Variants in NTM observed in about 807,000 individuals in gnomAD.
NTM encodes the protein IgLON family member 2.
A neutral mutation model predicts 42.1 loss-of-function variants in NTM; 13 were observed. The observed-to-expected ratio is 0.31, with a 90% CI of 0.20 to 0.49. NTM has a LOEUF of 0.49. NTM is among the 20% of genes least tolerant of loss of function. The probability of loss-of-function intolerance (pLI) is 0.99; values close to 1 mark genes in which losing one functional copy is unlikely to be tolerated. For missense variants in NTM, 373 were observed against 452.8 expected, an observed-to-expected ratio of 0.82 and a Z score of 1.60; for synonymous variants, 187 against 179.2, an observed-to-expected ratio of 1.04 and a Z score of -0.35.
At position 131,587,071 on chromosome 11, in the gene NTM, C is replaced by T. The variant is rs144401499; in HGVS notation, c.82+216183C>T. 3.1e-3 allele frequency among the ~76,000 whole-genome samples: 465 copies of T among 152,278 alleles called. 3 individuals carry two copies. The highest frequency in any genetic ancestry group is 0.011 in the African/African-American group (447 of 41,566). ...CTAACTACACCCAGTCATTACTCCA[C>T]GTGACTTGCATTGTATTATCTCATT... On this transcript the variant is annotated intron_variant, in intron 1 of 8. Coordinates refer to ENST00000683400, the MANE Select transcript of NTM (RefSeq NM_001352005.2).
chr11:131,640,608 C>G (rs1346000768), intron 1 of NTM, among the ~76,000 whole-genome samples: 2 of 152,194 alleles, frequency 1.3e-5, no homozygotes, highest in African/African-American at 4.8e-5. Flanking sequence ...AGAGGCCACA[C>G]TTGCAGGATG....
At chr11:131,696,061 T>C (rs1228054281) in intron 1 of NTM, among the ~76,000 whole-genome samples, 2 of 152,158 alleles carry the variant, frequency 1.3e-5, no homozygotes, top group Non-Finnish European at 2.9e-5. Context: ...GAAAGTGTTG[T>C]TGATGTGACA....
rs2090422529 is a variant in NTM at position 131,789,617 on chromosome 11, A to AAGAAGAAGAAGAAGG, written c.83-121933_83-121932insGAGAAGAAGAAGAAG. 8.4e-5 allele frequency among the ~76,000 whole-genome samples: 7 copies of AAGAAGAAGAAGAAGG among 83,066 alleles called. 1 individual carries two copies. The highest frequency in any genetic ancestry group is 1.5e-4 in the Non-Finnish European group (6 of 41,360). The allele number at this position is 83,066 out of a possible 152,430, so 54.5% of individuals were successfully genotyped here. On this transcript the variant is annotated intron_variant, in intron 1 of 8. Coordinates refer to ENST00000683400, the MANE Select transcript of NTM (RefSeq NM_001352005.2). The stretch of plus-strand genomic sequence containing the variant: ...GAAGAAGAAGAAGAAGAAGAAGAAG[A>AAGAAGAAGAAGAAGG]AGAAGAAGAAGAAGAAGAAAAGAAG...
At chr11:131,507,578 T>C (rs1328555248) in intron 1 of NTM, among the ~76,000 whole-genome samples, 1 of 151,450 alleles carries the variant, frequency 6.6e-6, no homozygotes, top group Non-Finnish European at 1.5e-5. Context: ...AAGTAGTTTT[T>C]TCCAATTCTG....
intron 2 of NTM, among the ~76,000 whole-genome samples, chr11:132,085,370 G>T (rs1294827409): frequency 6.6e-6 from 1 of 152,192 alleles, no homozygotes; most frequent in Non-Finnish European, 1.5e-5. Flanking sequence ...TTCTTGCATG[G>T]TGAAGGGTGT....
chr11:131,820,368 C>T (rs1407604106), intron 1 of NTM, among the ~76,000 whole-genome samples: 1 of 152,202 alleles, frequency 6.6e-6, no homozygotes. Flanking sequence ...TCTTAACTCC[C>T]TGTGGATTGG....
intron 2 of NTM, among the ~76,000 whole-genome samples, chr11:132,087,452 T>C (rs536461793): frequency 6.6e-6 from 1 of 152,298 alleles, no homozygotes; most frequent in East Asian, 1.9e-4. Context: ...TCCAGTTTTC[T>C]TTCCTAGGGG....
chr11:132,194,838 T>TC (rs1491434052), intron 3 of NTM, among the ~76,000 whole-genome samples: 6 of 140,042 alleles, frequency 4.3e-5, no homozygotes, highest in East Asian at 4.1e-4. Flanking sequence ...TTTTTTTTTT[T>TC]CTGAGACAGG....
chr11:131,546,725 G>A (rs972498756), intron 1 of NTM: 7 of 152,240 alleles, frequency 4.6e-5, no homozygotes, highest in African/African-American at 1.4e-4. Flanking sequence ...CAAGCACCAC[G>A]CTGAGCTCTC....
At chr11:131,799,095 C>CT (rs1353602909) in intron 1 of NTM, among the ~76,000 whole-genome samples, 6 of 152,194 alleles carry the variant, frequency 3.9e-5, no homozygotes, top group Admixed American at 6.5e-5. Flanking sequence ...TAATTGTTAA[C>CT]TTTTTTGTTT....
intron 1 of NTM, among the ~76,000 whole-genome samples, chr11:131,730,232 C>A (rs931013970): frequency 6.6e-6 from 1 of 152,146 alleles, no homozygotes; most frequent in Non-Finnish European, 1.5e-5. Context: ...ATTTGCATAT[C>A]TTTAGCAATT....
In NTM at chr11:131,972,497, G is replaced by A. The variant is rs200214168; in HGVS notation, c.167+60849G>A. 5.9e-5 allele frequency among the ~76,000 whole-genome samples: 9 copies of A among 152,176 alleles called. No homozygotes were observed. The East Asian group carries it at 1.5e-3, about 26-fold the overall frequency. On this transcript the variant is annotated intron_variant, in intron 2 of 8. Coordinates refer to ENST00000683400, the MANE Select transcript of NTM (RefSeq NM_001352005.2). ...TAATCTTAATGTAACAAAAGGTAGG[G>A]CTATAGCTTTGTTTCCTCCCACGTT...
intron 4 of NTM, among the ~76,000 whole-genome samples, chr11:132,246,019 C>T (rs1051416887): frequency 6.6e-6 from 1 of 152,204 alleles, no homozygotes; most frequent in Non-Finnish European, 1.5e-5. Flanking sequence ...GAGAGAGCTG[C>T]CCCGGGCTAG....
At chr11:132,275,791 G>T (rs2093703441) in intron 4 of NTM, among the ~76,000 whole-genome samples, 1 of 125,464 alleles carries the variant, frequency 8.0e-6, no homozygotes, top group Non-Finnish European at 1.7e-5. Flanking sequence ...CATCAGGGTA[G>T]TTAGTATAGC....
At chr11:132,116,367 T>TG (rs1336196185) in intron 2 of NTM, among the ~76,000 whole-genome samples, 2 of 151,744 alleles carry the variant, frequency 1.3e-5, no homozygotes, top group African/African-American at 2.4e-5. Flanking sequence ...CAAACAGAAG[T>TG]GGGGGGTGAT....
chr11:131,971,503 A>G (rs1432325443), intron 2 of NTM, among the ~76,000 whole-genome samples: 1 of 152,172 alleles, frequency 6.6e-6, no homozygotes, highest in Admixed American at 6.5e-5. Context: ...GTCAGTAGAT[A>G]TTGAAGATAT....
chr11:131,678,885 T>C (rs1156397149), intron 1 of NTM, among the ~76,000 whole-genome samples: 1 of 152,192 alleles, frequency 6.6e-6, no homozygotes, highest in African/African-American at 2.4e-5. Context: ...GAGAGAGTGG[T>C]TCAGGAGCCC....
At chr11:131,779,854 G>A (rs192948865) in intron 1 of NTM, among the ~76,000 whole-genome samples, 1 of 152,318 alleles carries the variant, frequency 6.6e-6, no homozygotes, top group Non-Finnish European at 1.5e-5. Flanking sequence ...AAGGATGGGA[G>A]TGCAGGCTAG....
At chr11:131,508,123 C>T (rs12575288) in intron 1 of NTM, among the ~76,000 whole-genome samples, 21,353 of 136,314 alleles carry the variant, frequency 0.16, 2,159 homozygotes, top group East Asian at 0.27. Flanking sequence ...AGAAAATTTT[C>T]GCAACCTACT....
Sources: allele counts gnomAD v4.1 joint callset (sites outside exome capture counted in the v4.1 genomes callset), GRCh38; gene constraint gnomAD v4.1.1; transcripts MANE v1.5; gene names NCBI Gene and HGNC (gene_info 2026-07-23, HGNC 2026-07-21).